RAPGEF2: variants seen among roughly 807,000 people sequenced by gnomAD.
RAPGEF2 encodes PDZ domain containing guanine nucleotide exchange factor (GEF) 1.
A neutral mutation model predicts 186.7 loss-of-function variants in RAPGEF2; 54 were observed. The ratio of observed to expected loss-of-function variants is 0.29; its 90% CI spans 0.23 to 0.36. The LOEUF (loss-of-function observed/expected upper bound fraction) is 0.36. Ranked by LOEUF, RAPGEF2 falls within the 10% of genes least tolerant of loss-of-function variation. The probability of loss-of-function intolerance (pLI) is 1.00; values close to 1 mark genes in which losing one functional copy is unlikely to be tolerated. For synonymous variants in RAPGEF2, 712 were observed against 705.9 expected (o/e 1.01, Z -0.14); for missense variants, 1,532 against 2,045.0 (o/e 0.75, Z 4.84).
intron 7 of RAPGEF2, among the ~76,000 whole-genome samples, chr4:159,302,224 G>A (rs956951105): frequency 3.3e-5 from 5 of 152,156 alleles, no homozygotes; most frequent in African/African-American, 1.2e-4. Flanking sequence ...TCTCCATACA[G>A]TGAATTCTTA....
rs1386101395 is a variant in RAPGEF2, at chr4:159,358,685, T to A, written c.*546T>A. ...ATGTCCTCCTTTTAAAAAAAAAAAA[T>A]GAGTTTAAAGATTTTGTTCAGAGAG... On this transcript the variant is annotated 3_prime_UTR_variant, in exon 30 of 30. Transcript: ENST00000691494. 5 of 144,456 alleles carry A rather than the reference T, an allele frequency of 3.5e-5. No individual in the cohort carries two copies. Among genetic ancestry groups the A allele is most frequent in the South Asian group, 2.3e-4 (1 of 4,402 alleles). 8.9% of individuals were successfully genotyped at this position (144,456 alleles called of 1,614,324 possible).
chr4:159,301,362 C>CA (rs1279741878), intron 7 of RAPGEF2, among the ~76,000 whole-genome samples: 2 of 152,068 alleles, frequency 1.3e-5, no homozygotes, highest in Non-Finnish European at 2.9e-5. Context: ...GGTGACAGAG[C>CA]AAGATTCTGT....
intron 11 of RAPGEF2, chr4:159,327,444 A>G (rs2111182789): frequency 6.6e-6 from 1 of 152,428 alleles, no homozygotes; most frequent in Admixed American, 6.5e-5. Context: ...CAGGCGGATC[A>G]TGAGGTCAGG....
chr4:159,111,738 A>G (rs1019954987), intron 1 of RAPGEF2, among the ~76,000 whole-genome samples: 1 of 152,174 alleles, frequency 6.6e-6, no homozygotes, highest in Non-Finnish European at 1.5e-5. Flanking sequence ...TTTTTTAATG[A>G]CCAGTCTTCA....
chr4:159,107,975 T>C (rs1192428947), intron 1 of RAPGEF2, among the ~76,000 whole-genome samples: 1 of 152,218 alleles, frequency 6.6e-6, no homozygotes, highest in East Asian at 1.9e-4. Context: ...TAAATAGTTT[T>C]TGTTCATAGA....
At chr4:159,330,961 C>T (rs1766607292) in intron 13 of RAPGEF2, among the ~76,000 whole-genome samples, 1 of 152,124 alleles carries the variant, frequency 6.6e-6, no homozygotes, top group East Asian at 1.9e-4. Flanking sequence ...CTCTTGAGAG[C>T]TCTAAGGCCA....
chr4:159,128,079 CCT>C (rs1366100346), intron 1 of RAPGEF2, among the ~76,000 whole-genome samples: 8 of 151,982 alleles, frequency 5.3e-5, no homozygotes, highest in Non-Finnish European at 8.8e-5. Context: ...TTTTGAACTC[CCT>C]GTTTTATACA....
chr4:159,262,927 A>G (rs949158475), intron 7 of RAPGEF2, among the ~76,000 whole-genome samples: 11 of 152,152 alleles, frequency 7.2e-5, no homozygotes, highest in Admixed American at 4.6e-4. Context: ...CATGAACTCA[A>G]CAGATTCTTT....
At chr4:159,245,883 C>A (rs1468329470) in intron 7 of RAPGEF2, among the ~76,000 whole-genome samples, 2 of 152,094 alleles carry the variant, frequency 1.3e-5, no homozygotes, top group Non-Finnish European at 2.9e-5. Context: ...TGTGTCCCAA[C>A]TGACATTTCA....
chr4:159,302,325 A>G (rs948225390), intron 7 of RAPGEF2, among the ~76,000 whole-genome samples: 1 of 114,398 alleles, frequency 8.7e-6, no homozygotes, highest in Non-Finnish European at 1.8e-5. Context: ...TTTTATCTTC[A>G]TTTGACACGT....
intron 1 of RAPGEF2, among the ~76,000 whole-genome samples, chr4:159,168,877 T>C (rs1049702340): frequency 1.7e-4 from 26 of 152,236 alleles, no homozygotes; most frequent in African/African-American, 5.3e-4. Flanking sequence ...AGTTTTGATA[T>C]CAGCTGGCAG....
chr4:159,267,403 C>A, intron 7 of RAPGEF2: 1 of 1,080,134 alleles, frequency 9.3e-7, no homozygotes, highest in Non-Finnish European at 1.3e-6. Context: ...CTGTTAGTGG[C>A]TCTCTTGCTA....
chr4:159,237,842 T>TAAAAAAAAAAA (rs58593781), intron 4 of RAPGEF2, among the ~76,000 whole-genome samples: 1 of 66,942 alleles, frequency 1.5e-5, no homozygotes, highest in Non-Finnish European at 2.7e-5. Flanking sequence ...CTACAAAAAT[T>TAAAAAAAAAAA]AAAAAAAAAA....
intron 4 of RAPGEF2, among the ~76,000 whole-genome samples, chr4:159,231,378 ATT>A (rs991334657): frequency 2.0e-5 from 3 of 152,072 alleles, no homozygotes; most frequent in South Asian, 4.1e-4. Context: ...CACACATATT[ATT>A]TTGTTATGTG....
rs372416849 is a variant in RAPGEF2 at position 159,346,963 on chromosome 4, G to A, written c.3677G>A (p.Arg1226Gln). 9.3e-6 allele frequency: 15 copies of A among 1,614,072 alleles called. No individual in the cohort carries two copies. The highest frequency in any genetic ancestry group is 5.0e-5 in the Admixed American group (3 of 60,010). Reference sequence around the variant, plus strand: ...CCCGCCGTGTCCCTTTATCCTTCACGGAAGAAAGTGCCCGTAAAGGATCTC... The same window carrying A: ...CCCGCCGTGTCCCTTTATCCTTCACAGAAGAAAGTGCCCGTAAAGGATCTC... ...QVPAVSLYPS[R>Q]KKVPVKDLPP... Residue 1226 changes from arginine (R) to glutamine (Q), a missense_variant, in exon 25 of 30, where the codon CGG becomes CAG. Arg to Gln is a conservative substitution (Grantham distance 43). Coordinates refer to ENST00000691494, the MANE Select transcript of RAPGEF2 (RefSeq NM_001394067.2).
chr4:159,311,848 A>G (rs1164360255), intron 8 of RAPGEF2, among the ~76,000 whole-genome samples: 4 of 152,202 alleles, frequency 2.6e-5, no homozygotes, highest in Non-Finnish European at 2.9e-5. Flanking sequence ...GTTCTTTTAA[A>G]GAGTATGATT....
chr4:159,234,575 A>G (rs1753018535), intron 4 of RAPGEF2, among the ~76,000 whole-genome samples: 2 of 86,626 alleles, frequency 2.3e-5, no homozygotes, highest in African/African-American at 5.3e-5. Flanking sequence ...TTTTTTTTTG[A>G]GACAGAGTCT....
In RAPGEF2 at chr4:159,341,912, A is replaced by T. The variant is rs899763131; in HGVS notation, c.2883A>T (p.Glu961Asp). 1.9e-6 allele frequency: 3 copies of T among 1,599,284 alleles called. No individual in the cohort carries two copies. The highest frequency in any genetic ancestry group is 1.8e-5 in the Admixed American group (1 of 56,704). ...TCAAGATAGCACTGCACTGTAGGGA[A>T]TGCAAGAATTTTAACTCAATGTTTG... ...HFIKIALHCR[E>D]CKNFNSMFAI... The change falls in exon 20 of 30, where the codon GAA (glutamate) becomes GAT (aspartate). Residue 961 changes from glutamate to aspartate, a missense_variant. By Grantham distance (45) the Glu-to-Asp change is conservative. Around this residue, in one of 4 missense-constraint regions of RAPGEF2, gnomAD observed 810 missense variants for 1,210.5 expected, o/e 0.67. Transcript: ENST00000691494.
At chr4:159,118,224 T>G (rs1174197970) in intron 1 of RAPGEF2, among the ~76,000 whole-genome samples, 1 of 151,962 alleles carries the variant, frequency 6.6e-6, no homozygotes, top group Admixed American at 6.5e-5. Flanking sequence ...CCTGTCAGAT[T>G]AGCAGCAGCA....
Sources: allele counts gnomAD v4.1 joint callset (sites outside exome capture counted in the v4.1 genomes callset), GRCh38; gene constraint gnomAD v4.1.1; regional missense constraint gnomAD v4.1.1; transcripts MANE v1.5; gene names NCBI Gene and HGNC (gene_info 2026-07-23, HGNC 2026-07-21).